DLC1: variants seen among roughly 807,000 people sequenced by gnomAD.
DLC1 encodes DLC1 Rho GTPase activating protein.
In DLC1, 54 loss-of-function variants were observed where a neutral mutation model predicts 140.3. The observed-to-expected ratio is 0.38, with a 90% confidence interval of 0.31 to 0.48. The LOEUF is 0.48. Among genes scored for constraint, DLC1 ranks in the 20% least tolerant of loss-of-function variants. DLC1 has a pLI of 0.96. For synonymous variants in DLC1, 986 were observed against 728.1 expected (o/e 1.35, Z -5.70); for missense variants, 2,536 against 1,907.0 (o/e 1.33, Z -6.14).
rs547050028 is a variant in DLC1 at position 13,151,291 on chromosome 8, A to T, written c.1349-35634T>A. Reference sequence around the variant, plus strand: ...AACAGCGAATTTTCAGCATAATGATAATACACATTCAGTACTATGTATGCA... The same window carrying T: ...AACAGCGAATTTTCAGCATAATGATTATACACATTCAGTACTATGTATGCA... On this transcript the variant is annotated intron_variant, in intron 5 of 17. Transcript: ENST00000276297. 1.4e-4 allele frequency among the ~76,000 whole-genome samples: 21 copies of T among 152,336 alleles called. No homozygotes were observed. The East Asian group carries it at 4.0e-3, about 29-fold the overall frequency.
intron 5 of DLC1, among the ~76,000 whole-genome samples, chr8:13,274,042 T>C (rs1333785342): frequency 6.6e-6 from 1 of 152,190 alleles, no homozygotes; most frequent in Non-Finnish European, 1.5e-5. Context: ...GACTTTCTAC[T>C]GCCCTCCATT....
At chr8:13,276,716 C>G in intron 5 of DLC1, 1 of 620,596 alleles carries the variant, frequency 1.6e-6, no homozygotes, top group Non-Finnish European at 2.1e-6. Flanking sequence ...CCGGGCTGCT[C>G]CTGGGTCACA....
chr8:13,528,999 A>G (rs1331932250), intron 1 of DLC1, among the ~76,000 whole-genome samples: 1 of 152,222 alleles, frequency 6.6e-6, no homozygotes, highest in African/African-American at 2.4e-5. Context: ...TAGCTATGCC[A>G]AGACGATTAT....
At chr8:13,460,207 C>G (rs147383859) in intron 2 of DLC1, among the ~76,000 whole-genome samples, 1 of 152,180 alleles carries the variant, frequency 6.6e-6, no homozygotes, top group Non-Finnish European at 1.5e-5. Context: ...CTAAAATACA[C>G]TGCTTGTCCT....
chr8:13,567,188 A>G (rs1296756210), intron 1 of DLC1: 2 of 1,551,876 alleles, frequency 1.3e-6, no homozygotes, highest in Non-Finnish European at 1.7e-6. Context: ...AGCTTGGAAC[A>G]AGGAGACACA....
At chr8:13,495,442 G>T (rs949277732) in intron 2 of DLC1, among the ~76,000 whole-genome samples, 1 of 152,064 alleles carries the variant, frequency 6.6e-6, no homozygotes, top group South Asian at 2.1e-4. Flanking sequence ...CCTGAGTGCT[G>T]GTCATATGTC....
rs182257951 is a variant in DLC1, at chr8:13,485,948, A to C, written c.1023+13101T>G. ...AGAAAAATTTGCATGACGAGTACAC[A>C]GAAATCCGCTAGCTAACTTCCTTTA... is the stretch of plus-strand genomic sequence containing the variant. On this transcript the variant is annotated intron_variant, in intron 2 of 17. Transcript: ENST00000276297. Among the ~76,000 whole-genome samples, 608 of 152,344 alleles carry C rather than the reference A, an allele frequency of 4.0e-3. 1 individual carries two copies. Among genetic ancestry groups the C allele is most frequent in the Middle Eastern group, 0.014 (4 of 294 alleles).
chr8:13,258,736 T>C (rs1830358991), intron 5 of DLC1, among the ~76,000 whole-genome samples: 1 of 152,204 alleles, frequency 6.6e-6, no homozygotes, highest in African/African-American at 2.4e-5. Flanking sequence ...TTTCTATCTT[T>C]CTATTTCATT....
Position 13,488,878 on chromosome 8 carries a change from G to A in DLC1, c.1023+10171C>T, listed in dbSNP as rs116132295. Among the ~76,000 whole-genome samples, 843 of 152,286 alleles carry A rather than the reference G, an allele frequency of 5.5e-3. 5 individuals carry two copies. The highest frequency in any genetic ancestry group is 0.019 in the African/African-American group (787 of 41,556). ...CATATTCTACACCACACATAGCAAAGTGCATGGGAAAGAGAAGATAATAAA... is the reference window on the plus strand; with the variant it reads ...CATATTCTACACCACACATAGCAAAATGCATGGGAAAGAGAAGATAATAAA... On this transcript the variant is annotated intron_variant, in intron 2 of 17. Transcript: ENST00000276297.
chr8:13,513,859 G>A (rs914485474), intron 1 of DLC1, among the ~76,000 whole-genome samples: 1 of 152,146 alleles, frequency 6.6e-6, no homozygotes, highest in Non-Finnish European at 1.5e-5. Flanking sequence ...TATAATGAGT[G>A]TCAGTGTCAT....
At chr8:13,301,235 A>T (rs899378528) in intron 5 of DLC1, among the ~76,000 whole-genome samples, 81 of 152,268 alleles carry the variant, frequency 5.3e-4, no homozygotes, top group African/African-American at 1.8e-3. Flanking sequence ...AAAAAAAAAA[A>T]ATCTCTAAAG....
At chr8:13,525,531 A>T (rs1802894228) in intron 1 of DLC1, among the ~76,000 whole-genome samples, 1 of 152,188 alleles carries the variant, frequency 6.6e-6, no homozygotes, top group South Asian at 2.1e-4. Flanking sequence ...TAGCCATTCT[A>T]ATAGATGTAT....
chr8:13,556,740 T>A (rs1417831901), intron 1 of DLC1, among the ~76,000 whole-genome samples: 1 of 152,338 alleles, frequency 6.6e-6, no homozygotes, highest in East Asian at 1.9e-4. Context: ...ATCACAGTGA[T>A]ACACAGTGCG....
At chr8:13,220,839 T>C (rs1828508569) in intron 5 of DLC1, among the ~76,000 whole-genome samples, 1 of 152,198 alleles carries the variant, frequency 6.6e-6, no homozygotes, top group Non-Finnish European at 1.5e-5. Context: ...AATTGTCAAC[T>C]GTTCACATGG....
chr8:13,316,818 C>A (rs1195399191), intron 4 of DLC1, among the ~76,000 whole-genome samples: 1 of 152,142 alleles, frequency 6.6e-6, no homozygotes, highest in Non-Finnish European at 1.5e-5. Context: ...CTGCAGTATC[C>A]CTTGTGTTTC....
At chr8:13,525,194 T>C (rs960123860) in intron 1 of DLC1, among the ~76,000 whole-genome samples, 15 of 152,220 alleles carry the variant, frequency 9.9e-5, no homozygotes, top group African/African-American at 3.6e-4. Flanking sequence ...TAGTATTTCA[T>C]TGGAGGAATA....
At chr8:13,281,607 A>T (rs1427864979) in intron 5 of DLC1, among the ~76,000 whole-genome samples, 2 of 152,176 alleles carry the variant, frequency 1.3e-5, no homozygotes, top group African/African-American at 2.4e-5. Flanking sequence ...AGCTTTACTG[A>T]CAGGCCTGGT....
chr8:13,102,103 A>G (rs1819142516), intron 8 of DLC1, among the ~76,000 whole-genome samples: 1 of 152,194 alleles, frequency 6.6e-6, no homozygotes, highest in Non-Finnish European at 1.5e-5. Context: ...TGGCATAATT[A>G]AAATTTGAAC....
Position 13,514,534 on chromosome 8 carries a change from A to G in DLC1, c.-126+68T>C, listed in dbSNP as rs149732352. On this transcript the variant is annotated intron_variant, in intron 1 of 17. Transcript: ENST00000276297. Reference sequence around the variant, plus strand: ...CACCAACTCCGTGCAAGATGCTAACATTTATCTCAATCTTTCTGCCTCTTC... The same window carrying G: ...CACCAACTCCGTGCAAGATGCTAACGTTTATCTCAATCTTTCTGCCTCTTC... The G allele has an allele frequency of 9.4e-4, 376 of 398,428 alleles. 2 individuals are homozygous for G. The highest frequency in any genetic ancestry group is 6.4e-3 in the African/African-American group (310 of 48,732). 24.7% of individuals were successfully genotyped at this position (398,428 alleles called of 1,614,324 possible).
Sources: allele counts gnomAD v4.1 joint callset (sites outside exome capture counted in the v4.1 genomes callset), GRCh38; gene constraint gnomAD v4.1.1; transcripts MANE v1.5; gene names NCBI Gene and HGNC (gene_info 2026-07-23, HGNC 2026-07-21).